GPHN: variants seen among roughly 807,000 people sequenced by gnomAD.
GPHN encodes gephyrin.
GPHN carries 17 observed loss-of-function variants against 95.5 expected under a neutral mutation model. The observed-to-expected ratio is 0.18, with a 90% CI of 0.12 to 0.27. GPHN has a LOEUF of 0.27. Among genes scored for constraint, GPHN ranks in the 10% least tolerant of loss-of-function variants. The probability of loss-of-function intolerance (pLI) is 1.00; values close to 1 mark genes in which losing one functional copy is unlikely to be tolerated. For missense variants in GPHN, 660 were observed against 978.1 expected, an observed-to-expected ratio of 0.67 and a Z score of 4.34; for synonymous variants, 320 against 322.5, an observed-to-expected ratio of 0.99 and a Z score of 0.08.
chr14:67,338,531 AAAAT>A, the GPHN span: 4 of 1,370,108 alleles, frequency 2.9e-6, no homozygotes, highest in South Asian at 3.6e-5. Flanking sequence ...CTTAGGCCAA[AAAAT>A]AAATAGCCAC....
chr14:67,654,439 T>G, the GPHN span, among the ~76,000 whole-genome samples: 1 of 152,138 alleles, frequency 6.6e-6, no homozygotes, highest in Non-Finnish European at 1.5e-5. Flanking sequence ...CCGGCCTCCT[T>G]GGCTTTTAAA....
At chr14:66,826,776 C>T (rs1473756853) in intron 4 of GPHN, among the ~76,000 whole-genome samples, 1 of 152,104 alleles carries the variant, frequency 6.6e-6, no homozygotes, top group Admixed American at 6.5e-5. Context: ...CCCTCCGGCA[C>T]CTTGATGTGT....
chr14:66,939,210 A>G (rs2067277605), intron 8 of GPHN, among the ~76,000 whole-genome samples: 1 of 152,200 alleles, frequency 6.6e-6, no homozygotes, highest in Non-Finnish European at 1.5e-5. Flanking sequence ...AAATCTTTGC[A>G]CATCCAAAGA....
At chr14:66,676,672 AT>A (rs56906168) in intron 1 of GPHN, among the ~76,000 whole-genome samples, 3,720 of 125,980 alleles carry the variant, frequency 0.03, 55 homozygotes, top group Middle Eastern at 0.06. Context: ...ATCGTAGTGT[AT>A]TTTTTTTTTT....
At chr14:66,946,223 G>C (rs1037883723) in intron 8 of GPHN, among the ~76,000 whole-genome samples, 13 of 151,952 alleles carry the variant, frequency 8.6e-5, no homozygotes, top group Admixed American at 3.9e-4. Flanking sequence ...TGTTCTTTGG[G>C]GTTTTTTCCT....
intron 21 of GPHN, among the ~76,000 whole-genome samples, chr14:67,172,260 G>A (rs187276688): frequency 3.9e-5 from 6 of 152,002 alleles, no homozygotes; most frequent in Admixed American, 6.6e-5. Context: ...GCCGCCCGCC[G>A]CATCCCCCTC....
the GPHN span, among the ~76,000 whole-genome samples, chr14:67,490,651 G>A: frequency 1.3e-5 from 2 of 152,074 alleles, no homozygotes; most frequent in African/African-American, 4.8e-5. Flanking sequence ...GCAGGATTGA[G>A]TCTCTGCTTC....
At chr14:66,799,136 T>C (rs2060259152) in intron 3 of GPHN, among the ~76,000 whole-genome samples, 1 of 151,932 alleles carries the variant, frequency 6.6e-6, no homozygotes. Context: ...AAATTCCTCT[T>C]GTTATTGATT....
intron 2 of GPHN, among the ~76,000 whole-genome samples, chr14:66,716,084 G>T (rs1229539294): frequency 2.0e-5 from 3 of 152,044 alleles, no homozygotes; most frequent in Non-Finnish European, 4.4e-5. Context: ...GACCTGTCTA[G>T]TGCTGTCAGT....
At chr14:67,164,511 T>C (rs967652817) in intron 19 of GPHN, among the ~76,000 whole-genome samples, 3 of 151,948 alleles carry the variant, frequency 2.0e-5, no homozygotes, top group African/African-American at 7.3e-5. Context: ...TCTTTTTTTT[T>C]GAGATGGAGT....
the GPHN span, among the ~76,000 whole-genome samples, chr14:67,439,533 G>GTTTCTTCTTTCTTTCTTTC: frequency 1.0e-5 from 1 of 96,062 alleles, no homozygotes; most frequent in South Asian, 3.5e-4. Context: ...AAATTCAATA[G>GTTTCTTCTTTCTTTCTTTC]TTTCTTTCTT....
At chr14:66,659,623 G>T (rs1177080359) in intron 1 of GPHN, among the ~76,000 whole-genome samples, 1 of 151,782 alleles carries the variant, frequency 6.6e-6, no homozygotes, top group African/African-American at 2.4e-5. Flanking sequence ...TACACCTTTA[G>T]GATTGTTTTG....
chr14:66,578,317 T>G (rs1289776700), intron 1 of GPHN, among the ~76,000 whole-genome samples: 2 of 151,474 alleles, frequency 1.3e-5, no homozygotes, highest in Admixed American at 1.3e-4. Context: ...CTGTGAGAAT[T>G]ATGGGGCAGT....
intron 8 of GPHN, among the ~76,000 whole-genome samples, chr14:66,939,579 G>T (rs1396283801): frequency 6.6e-6 from 1 of 152,008 alleles, no homozygotes; most frequent in Non-Finnish European, 1.5e-5. Flanking sequence ...AAGACCCCAG[G>T]CTCCTCCCCT....
At chr14:66,558,668 T>C (rs2140249566) in intron 1 of GPHN, among the ~76,000 whole-genome samples, 1 of 152,284 alleles carries the variant, frequency 6.6e-6, no homozygotes, top group South Asian at 2.1e-4. Flanking sequence ...GTTCATTCTG[T>C]AAATGTAATT....
chr14:66,640,159 G>T (rs2064316312), intron 1 of GPHN, among the ~76,000 whole-genome samples: 1 of 152,170 alleles, frequency 6.6e-6, no homozygotes, highest in African/African-American at 2.4e-5. Context: ...GGTGGCTCAT[G>T]CCTGTAATCC....
the GPHN span, chr14:67,395,509 G>A: frequency 5.0e-6 from 8 of 1,614,116 alleles, no homozygotes; most frequent in Middle Eastern, 3.3e-4. Flanking sequence ...CAAAGGCCCA[G>A]GCATCCCGCT....
the GPHN span, among the ~76,000 whole-genome samples, chr14:67,563,254 A>C: frequency 2.0e-5 from 3 of 152,160 alleles, no homozygotes; most frequent in Admixed American, 6.5e-5. Context: ...ACTGTTAACT[A>C]CGTGACCTTG....
At chr14:67,315,511 C>T in the GPHN span, among the ~76,000 whole-genome samples, 1 of 151,982 alleles carries the variant, frequency 6.6e-6, no homozygotes, top group African/African-American at 2.4e-5. Flanking sequence ...CTCCTGACCT[C>T]GTGATCTGCC....
Sources: allele counts gnomAD v4.1 joint callset (sites outside exome capture counted in the v4.1 genomes callset), GRCh38; gene constraint gnomAD v4.1.1; transcripts MANE v1.5; gene names NCBI Gene and HGNC (gene_info 2026-07-23, HGNC 2026-07-21).